The following DROSHA variants were observed in gnomAD, a reference collection of about 807,000 sequenced individuals.
DROSHA encodes the protein ribonuclease 3.
Under a neutral mutation model 181.9 loss-of-function variants are expected in DROSHA, and 56 were observed. The ratio of observed to expected loss-of-function variants is 0.31; its 90% confidence interval spans 0.25 to 0.38. The LOEUF is 0.38. DROSHA is among the 10% of genes least tolerant of loss of function. The pLI is 1.00. For synonymous variants in DROSHA, 524 were observed against 591.2 expected (o/e 0.89, Z 1.65); for missense variants, 1,218 against 1,743.5 (o/e 0.70, Z 5.37).
At chr5:31,475,982 A>C (rs1750317281) in intron 16 of DROSHA, among the ~76,000 whole-genome samples, 1 of 152,208 alleles carries the variant, frequency 6.6e-6, no homozygotes, top group Non-Finnish European at 1.5e-5. Flanking sequence ...TTAAGACTAC[A>C]AACCAAGACT....
At position 31,435,817 on chromosome 5, in the gene DROSHA, G is replaced by T. The variant is rs747793683; in HGVS notation, c.2990C>A (p.Ala997Glu). Residue 997 changes from alanine to glutamate, a missense_variant, in exon 25 of 36, where the codon GCA (alanine) becomes GAA (glutamate). Physicochemically the swap from Ala to Glu is moderately radical, Grantham distance 107 (BLOSUM62 -1). Transcript: ENST00000344624. ...CTGAACAATGGCAGTCCGATAGGTT[G>T]CTAATCCTCCTTCTTCCAGACTAGG... is the stretch of plus-strand genomic sequence containing the variant. ...LFPSLEEGGL[A>E]TYRTAIVQNQ... is the part of the protein sequence containing the mutation. 1 of 1,613,830 alleles carries T rather than the reference G, an allele frequency of 6.2e-7. No individual in the cohort carries two copies. Among genetic ancestry groups the T allele is most frequent in the Non-Finnish European group, 8.5e-7 (1 of 1,179,834 alleles).
Position 31,495,127 on chromosome 5 carries a change from G to GA in DROSHA, c.1755+158dup, listed in dbSNP as rs1303757786. Among the ~76,000 whole-genome samples, 4 of 152,188 alleles carry GA rather than the reference G, an allele frequency of 2.6e-5. No homozygotes were observed. The South Asian group carries it at 8.3e-4, about 32-fold the overall frequency. ...ATAGCAGTATAGTGAAGAGGAAGCT[G>GA]AAAGAAACGTCATCGTGAGAAAGGC... On this transcript the variant is annotated intron_variant, in intron 12 of 35. Transcript: ENST00000344624.
At chr5:31,515,427 C>CCCAGG in intron 7 of DROSHA, 27 bp downstream of exon 7, 1 of 1,157,344 alleles carries the variant, frequency 8.6e-7, no homozygotes, top group South Asian at 1.4e-5. Context: ...AATACAAATT[C>CCCAGG]CCAGGCCCCA....
chr5:31,471,938 T>C, intron 17 of DROSHA, 125 bp downstream of exon 17: 1 of 896,396 alleles, frequency 1.1e-6, no homozygotes, highest in Non-Finnish European at 1.6e-6. Flanking sequence ...AAAGGAAAAA[T>C]TATCCAAGGA....
chr5:31,426,813 A>C (rs750791202), intron 27 of DROSHA, among the ~76,000 whole-genome samples: 97 of 152,160 alleles, frequency 6.4e-4, no homozygotes, highest in Non-Finnish European at 1.2e-3. Flanking sequence ...CTGCATATTG[A>C]AAAGAAGAAA....
Position 31,435,778 on chromosome 5 carries a change from GC to G in DROSHA, c.3028del (p.Ala1010ProfsTer3). The G allele has an allele frequency of 6.2e-7, 1 of 1,613,726 alleles. No individual in the cohort carries two copies. The highest frequency in any genetic ancestry group is 8.5e-7 in the Non-Finnish European group (1 of 1,179,750). ...RTAIVQNQHL[A>X]MLAKKLELDR... The stretch of plus-strand genomic sequence containing the variant: ...TGTCTTCTATACCTTTGCTAGCATG[GC>G]AAGGTGCTGATTCTGAACAATGGCA... On this transcript the variant is annotated frameshift_variant, in exon 25 of 36. Coordinates refer to ENST00000344624, the MANE Select transcript of DROSHA (RefSeq NM_001382508.1). LOFTEE classifies it high-confidence loss of function.
chr5:31,406,797 G>A, intron 34 of DROSHA, 56 bp downstream of exon 34: 3 of 1,509,496 alleles, frequency 2.0e-6, no homozygotes, highest in Non-Finnish European at 2.8e-6. Context: ...AGCAGCTAGG[G>A]AATTAGACAC....
chr5:31,511,259 A>G, intron 8 of DROSHA, 83 bp from the exon 9 acceptor site: 1 of 1,336,802 alleles, frequency 7.5e-7, no homozygotes, highest in Non-Finnish European at 1.0e-6. Flanking sequence ...AGGTAATCAA[A>G]GCATTTTTAA....
At chr5:31,488,776 G>A (rs111996508) in intron 13 of DROSHA, among the ~76,000 whole-genome samples, 2,907 of 152,308 alleles carry the variant, frequency 0.019, 86 homozygotes, top group African/African-American at 0.067. Context: ...AGACCAGACT[G>A]AAGTCTAATG....
chr5:31,477,748 C>A (rs1023994884), intron 16 of DROSHA, among the ~76,000 whole-genome samples: 1 of 152,164 alleles, frequency 6.6e-6, no homozygotes, highest in African/African-American at 2.4e-5. Context: ...TACCTTTGCC[C>A]CAGTTACACT....
chr5:31,473,062 CCAAA>C (rs1353889790), intron 16 of DROSHA, among the ~76,000 whole-genome samples: 3 of 152,206 alleles, frequency 2.0e-5, no homozygotes, highest in South Asian at 2.1e-4. Context: ...CTACACCCAA[CCAAA>C]CAAAGGACAA....
chr5:31,526,969 TA>T (rs1740671662), intron 4 of DROSHA, 57 bp from the exon 5 acceptor site: 6 of 1,475,300 alleles, frequency 4.1e-6, no homozygotes, highest in South Asian at 1.3e-5. Context: ...TCTTACTATG[TA>T]AACAGGGTTT....
intron 16 of DROSHA, among the ~76,000 whole-genome samples, chr5:31,480,476 G>A (rs1750912044): frequency 1.3e-5 from 2 of 151,982 alleles, no homozygotes; most frequent in Admixed American, 1.3e-4. Context: ...GGGTCCGAAG[G>A]GGGTTCTTGG....
chr5:31,420,051 T>C (rs1343583951), intron 30 of DROSHA, among the ~76,000 whole-genome samples: 1 of 152,196 alleles, frequency 6.6e-6, no homozygotes, highest in Non-Finnish European at 1.5e-5. Flanking sequence ...AGTGAGTGAA[T>C]GCTAGGCTTA....
chr5:31,526,872 C>T lies in DROSHA; in HGVS notation c.61G>A (p.Gly21Arg). The T allele has an allele frequency of 6.2e-7, 1 of 1,613,226 alleles. No individual in the cohort carries two copies. Among genetic ancestry groups the T allele is most frequent in the Admixed American group, 1.7e-5 (1 of 60,010 alleles). ...GGTCTGGCTCCATGTCCTCCTCGTC[C>T]TCGGGGACACCCTCGTCCCGGGTGG... ...SFHPGRGCPRGRGGHGARPSA... is the reference protein window; with the variant it reads ...SFHPGRGCPRRRGGHGARPSA... Residue 21 changes from glycine to arginine, a missense_variant, in exon 5 of 36, where the codon GGA (glycine) becomes AGA (arginine). Gly to Arg is a moderately radical substitution (Grantham distance 125, BLOSUM62 -2). Around this residue, in one of 8 missense-constraint regions of DROSHA, gnomAD observed 536 missense variants for 535.4 expected, o/e 1.00. Coordinates refer to ENST00000344624, the MANE Select transcript of DROSHA (RefSeq NM_001382508.1).
At chr5:31,417,216 C>T (rs1393609348) in intron 30 of DROSHA, among the ~76,000 whole-genome samples, 1 of 152,116 alleles carries the variant, frequency 6.6e-6, no homozygotes, top group Non-Finnish European at 1.5e-5. Flanking sequence ...AATACTGCAG[C>T]CAGATAAAAT....
intron 13 of DROSHA, among the ~76,000 whole-genome samples, chr5:31,491,139 G>C (rs1752352168): frequency 6.8e-6 from 1 of 146,052 alleles, no homozygotes; most frequent in Non-Finnish European, 1.5e-5. Context: ...AAAACCCCAA[G>C]CATTGCTATC....
At chr5:31,522,613 A>T (rs779248465) in intron 5 of DROSHA, among the ~76,000 whole-genome samples, 1 of 152,226 alleles carries the variant, frequency 6.6e-6, no homozygotes, top group Non-Finnish European at 1.5e-5. Context: ...AAGAAAAGCT[A>T]TGTTTGTGTT....
intron 10 of DROSHA, among the ~76,000 whole-genome samples, chr5:31,506,424 TC>T (rs1177222146): frequency 1.3e-5 from 2 of 149,922 alleles, no homozygotes; most frequent in African/African-American, 2.5e-5. Flanking sequence ...ATGCCTGTAA[TC>T]CCAGCACTTT....
Sources: gnomAD v4.1 joint callset for allele counts (sites outside exome capture counted in the v4.1 genomes callset) on GRCh38, gnomAD v4.1.1 for gene constraint, gnomAD v4.1.1 regional missense constraint, MANE v1.5 for transcripts, NCBI Gene and HGNC (gene_info 2026-07-23, HGNC 2026-07-21) for gene names.